The following TUSC3 variants were observed in gnomAD, a reference collection of about 807,000 sequenced individuals.
TUSC3 encodes the protein tumor suppressor candidate 3.
Under a neutral mutation model 44.8 loss-of-function variants are expected in TUSC3, and 45 were observed. That is an observed-to-expected ratio of 1.00 (90% confidence interval 0.79 to 1.29). TUSC3 has a LOEUF of 1.29. Ranked by LOEUF, TUSC3 falls within the 50% of genes most tolerant of loss-of-function variation. The pLI is 0.00. For missense variants in TUSC3, 519 were observed against 437.9 expected (o/e 1.19, Z -1.65); for synonymous variants, 212 against 152.9 (o/e 1.39, Z -2.85).
the TUSC3 span, among the ~76,000 whole-genome samples, chr8:15,800,824 A>G: frequency 6.6e-6 from 1 of 152,094 alleles, no homozygotes; most frequent in Non-Finnish European, 1.5e-5. Flanking sequence ...AACTTGCCAC[A>G]GTTTTCATTG....
intron 1 of TUSC3, among the ~76,000 whole-genome samples, chr8:15,544,960 G>C (rs1801814321): frequency 6.6e-6 from 1 of 151,736 alleles, no homozygotes; most frequent in Non-Finnish European, 1.5e-5. Flanking sequence ...CACAGATGAA[G>C]GATAGTTTAT....
At chr8:15,777,646 G>A in the TUSC3 span, among the ~76,000 whole-genome samples, 1 of 151,906 alleles carries the variant, frequency 6.6e-6, no homozygotes, top group Non-Finnish European at 1.5e-5. Flanking sequence ...ATTTCATCCT[G>A]ACAACTTTAA....
At chr8:15,596,842 A>G (rs1272243380) in intron 1 of TUSC3, among the ~76,000 whole-genome samples, 2 of 152,092 alleles carry the variant, frequency 1.3e-5, no homozygotes, top group Non-Finnish European at 2.9e-5. Context: ...TGAAATATAA[A>G]TGTTCTAATT....
At chr8:15,762,250 G>C (rs1280687498) in intron 10 of TUSC3, among the ~76,000 whole-genome samples, 1 of 151,822 alleles carries the variant, frequency 6.6e-6, no homozygotes, top group Non-Finnish European at 1.5e-5. Context: ...TTTTGAAAAT[G>C]ATAGAAGCAT....
At position 15,540,501 on chromosome 8, in the gene TUSC3, G is replaced by A; in HGVS notation, c.71G>A (p.Ser24Asn). 6.2e-7 allele frequency: 1 copy of A among 1,608,866 alleles called. No individual in the cohort carries two copies. Among genetic ancestry groups the A allele is most frequent in the South Asian group, 1.1e-5 (1 of 90,516 alleles). ...GRRLRYLPTG[S>N]FPFLLLLLLL... ...CGGCTGCGGTACCTGCCCACCGGGA[G>A]CTTTCCCTTCCTTCTCCTGCTGCTG... Residue 24 changes from serine (S) to asparagine (N), a missense_variant, in exon 1 of 11, where the codon AGC becomes AAC. Ser to Asn is a conservative substitution (Grantham distance 46). Coordinates refer to ENST00000503731, the MANE Select transcript of TUSC3 (RefSeq NM_006765.4).
intron 2 of TUSC3, among the ~76,000 whole-genome samples, chr8:15,487,627 C>A (rs959539565): frequency 1.3e-5 from 2 of 152,182 alleles, no homozygotes; most frequent in South Asian, 2.1e-4. Context: ...GATTCTCAAT[C>A]TTTCTTTTAG....
At chr8:15,531,921 A>C (rs1801455742) in intron 2 of TUSC3, among the ~76,000 whole-genome samples, 1 of 152,216 alleles carries the variant, frequency 6.6e-6, no homozygotes, top group Non-Finnish European at 1.5e-5. Flanking sequence ...AAAGGAAAGA[A>C]ACTGTCATGA....
At chr8:15,483,806 C>T (rs1403368970) in intron 2 of TUSC3, among the ~76,000 whole-genome samples, 1 of 151,790 alleles carries the variant, frequency 6.6e-6, no homozygotes, top group Non-Finnish European at 1.5e-5. Flanking sequence ...CAGGCGCCAG[C>T]CACAATGCCC....
intron 1 of TUSC3, among the ~76,000 whole-genome samples, chr8:15,615,853 G>A (rs1804964870): frequency 6.6e-6 from 1 of 152,098 alleles, no homozygotes; most frequent in Non-Finnish European, 1.5e-5. Context: ...AATGAAGAGA[G>A]GCTGGTTAAA....
At chr8:15,589,357 C>T (rs889092130) in intron 1 of TUSC3, among the ~76,000 whole-genome samples, 12 of 152,104 alleles carry the variant, frequency 7.9e-5, no homozygotes, top group South Asian at 4.2e-4. Context: ...ATGATCCATA[C>T]GCATGTTAAA....
the TUSC3 span, among the ~76,000 whole-genome samples, chr8:15,829,090 CT>C: frequency 6.6e-6 from 1 of 152,086 alleles, no homozygotes; most frequent in African/African-American, 2.4e-5. Flanking sequence ...ACCCACTTCT[CT>C]TTTTCTTTTT....
intron 1 of TUSC3, among the ~76,000 whole-genome samples, chr8:15,599,688 T>C (rs1000000934): frequency 1.3e-5 from 2 of 149,540 alleles, no homozygotes; most frequent in African/African-American, 2.5e-5. Flanking sequence ...TTTGCTCCGT[T>C]ATATTGCTTG....
chr8:15,559,303 T>C (rs1446860736), intron 1 of TUSC3, among the ~76,000 whole-genome samples: 1 of 144,354 alleles, frequency 6.9e-6, no homozygotes, highest in African/African-American at 2.5e-5. Flanking sequence ...TTCCATGTAG[T>C]TGAGCAGTTT....
At chr8:15,725,186 GCACTGCTTTAT>G (rs1262525552) in intron 6 of TUSC3, among the ~76,000 whole-genome samples, 4 of 152,118 alleles carry the variant, frequency 2.6e-5, no homozygotes, top group Non-Finnish European at 5.9e-5. Context: ...AGAGACGCCA[GCACTGCTTTAT>G]CAGTGAATAA....
Position 15,523,686 on chromosome 8 carries a change from G to GTATATATATATATA in TUSC3, n.189+40204_189+40205insATATATATATATAT, listed in dbSNP as rs1239992834. 2.4e-3 allele frequency among the ~76,000 whole-genome samples: 110 copies of GTATATATATATATA among 46,082 alleles called. 2 individuals are homozygous for GTATATATATATATA. Among genetic ancestry groups the GTATATATATATATA allele is most frequent in the East Asian group, 5.6e-3 (10 of 1,792 alleles). 30.2% of individuals were successfully genotyped at this position (46,082 alleles called of 152,430 possible). A position where few individuals can be genotyped will look rare whatever the true frequency, so the allele number is the denominator to read the frequency against. ...TATATGTGTGTGTGTGTGTGTGTGTGTGTGTGTGTGTGTGTGTGTGTGTAT... is the reference window on the plus strand; with the variant it reads ...TATATGTGTGTGTGTGTGTGTGTGTGTATATATATATATATGTGTGTGTGTGTGTGTGTGTGTAT... On this transcript the variant is annotated intron_variant and non_coding_transcript_variant, in intron 2 of 5. Transcript: ENST00000503191.
the TUSC3 span, among the ~76,000 whole-genome samples, chr8:15,779,098 CT>C: frequency 0.031 from 3,421 of 111,804 alleles, 53 homozygotes; most frequent in Middle Eastern, 0.045. Context: ...CGAATGTTTT[CT>C]TTTTTTTTTT....
At chr8:15,662,346 TATA>T (rs749993820) in intron 5 of TUSC3, 50 bp downstream of exon 5, 8 of 1,605,974 alleles carry the variant, frequency 5.0e-6, no homozygotes, top group Non-Finnish European at 5.1e-6. Flanking sequence ...TGTGTAATAA[TATA>T]AGTTGTATAA....
intron 6 of TUSC3, chr8:15,689,164 C>T: frequency 2.5e-6 from 1 of 406,434 alleles, no homozygotes; most frequent in South Asian, 2.0e-5. Context: ...TTCCACTCTG[C>T]TTCTTGCTTC....
chr8:15,604,649 A>G (rs1023059652), intron 1 of TUSC3, among the ~76,000 whole-genome samples: 1 of 151,924 alleles, frequency 6.6e-6, no homozygotes, highest in African/African-American at 2.4e-5. Flanking sequence ...ATTGTTTTCT[A>G]GTTAATGCCA....
Sources: allele counts gnomAD v4.1 joint callset (sites outside exome capture counted in the v4.1 genomes callset), GRCh38; gene constraint gnomAD v4.1.1; transcripts MANE v1.5; gene names NCBI Gene and HGNC (gene_info 2026-07-23, HGNC 2026-07-21).